Variants in PEPD observed in about 807,000 individuals in gnomAD.
The protein encoded by PEPD is xaa-Pro dipeptidase.
Under a neutral mutation model 60.7 loss-of-function variants are expected in PEPD, and 53 were observed. The observed-to-expected ratio is 0.87, with a 90% confidence interval of 0.70 to 1.10. The LOEUF (loss-of-function observed/expected upper bound fraction) is 1.10. PEPD is among the 50% of genes least tolerant of loss of function. The pLI is 0.00. For missense variants in PEPD, 711 were observed against 711.9 expected (o/e 1.00, Z 0.01); for synonymous variants, 267 against 284.1 (o/e 0.94, Z 0.60).
At chr19:33,428,279 C>T (rs1969194537) in intron 9 of PEPD, among the ~76,000 whole-genome samples, 1 of 152,144 alleles carries the variant, frequency 6.6e-6, no homozygotes, top group African/African-American at 2.4e-5. Flanking sequence ...TTGCTGGGTC[C>T]CCGCAGGGAG....
chr19:33,422,472 A>G (rs1394118085), intron 9 of PEPD, among the ~76,000 whole-genome samples: 1 of 150,594 alleles, frequency 6.6e-6, no homozygotes, highest in Non-Finnish European at 1.5e-5. Context: ...CTATCACTCT[A>G]TCATCTACCT....
chr19:33,443,510 G>C (rs1217446527), intron 9 of PEPD, among the ~76,000 whole-genome samples: 7 of 152,126 alleles, frequency 4.6e-5, no homozygotes, highest in Non-Finnish European at 1.0e-4. Context: ...CATAATTGCT[G>C]TTTATAGGTA....
chr19:33,395,629 C>T (rs200799587), intron 12 of PEPD, among the ~76,000 whole-genome samples: 1 of 152,344 alleles, frequency 6.6e-6, no homozygotes, highest in South Asian at 2.1e-4. Flanking sequence ...GGCCTAGGGC[C>T]CAGGCCAGCT....
intron 3 of PEPD, among the ~76,000 whole-genome samples, chr19:33,507,878 G>C (rs911031260): frequency 2.6e-5 from 4 of 152,158 alleles, no homozygotes; most frequent in Non-Finnish European, 5.9e-5. Context: ...CAGTGGAACG[G>C]AGAGGCCTGC....
Position 33,414,071 on chromosome 19 carries a change from C to G in PEPD, c.672-428G>C, listed in dbSNP as rs1438956250. ...TCCGTGCCCAGAGGCCACCACCCAC[C>G]CTGCCAGGAGGGGCTGGATCTACGG... is the stretch of plus-strand genomic sequence containing the variant. On this transcript the variant is annotated intron_variant, in intron 9 of 14. Coordinates refer to ENST00000244137, the MANE Select transcript of PEPD (RefSeq NM_000285.4). 1.3e-5 allele frequency among the ~76,000 whole-genome samples: 2 copies of G among 152,218 alleles called. 1 individual carries two copies. The highest frequency in any genetic ancestry group is 4.8e-5 in the African/African-American group (2 of 41,462).
In PEPD at chr19:33,454,616, AAAAG is replaced by A. The variant is rs1156673954; in HGVS notation, c.671+8375_671+8378del. ...GACTCTGTCTCCAAAAAAGAAAAAAAAAAGAAAGAAAGTACAATTTCAAGTTTAA... is the reference window on the plus strand; with the variant it reads ...GACTCTGTCTCCAAAAAAGAAAAAAAAAAGAAAGTACAATTTCAAGTTTAA... On this transcript the variant is annotated intron_variant, in intron 9 of 14. Transcript: ENST00000244137. 2.6e-5 allele frequency among the ~76,000 whole-genome samples: 4 copies of A among 152,274 alleles called. No individual in the cohort carries two copies. The East Asian group carries it at 5.8e-4, about 22-fold the overall frequency.
chr19:33,455,138 G>A (rs371904109), intron 9 of PEPD, among the ~76,000 whole-genome samples: 4 of 152,126 alleles, frequency 2.6e-5, no homozygotes, highest in Non-Finnish European at 5.9e-5. Flanking sequence ...AGCTAAGGCC[G>A]CTGGAATAAA....
chr19:33,391,227 C>T (rs1189507898), intron 13 of PEPD, 68 bp downstream of exon 13: 2 of 1,327,324 alleles, frequency 1.5e-6, no homozygotes, highest in African/African-American at 2.9e-5. Context: ...GAGTCCCACC[C>T]TGCCCTGGGG....
At chr19:33,461,526 G>A (rs1396351227) in intron 9 of PEPD, among the ~76,000 whole-genome samples, 1 of 152,156 alleles carries the variant, frequency 6.6e-6, no homozygotes, top group Admixed American at 6.5e-5. Context: ...CAGCCAGCAT[G>A]CAGAGGACGG....
chr19:33,442,110 G>T (rs1238170922), intron 9 of PEPD, among the ~76,000 whole-genome samples: 1 of 152,174 alleles, frequency 6.6e-6, no homozygotes, highest in Non-Finnish European at 1.5e-5. Flanking sequence ...CTTAATAATA[G>T]TCCCTGGGCC....
chr19:33,500,836 C>G (rs1238627249), intron 4 of PEPD, 102 bp downstream of exon 4: 2 of 792,640 alleles, frequency 2.5e-6, no homozygotes, highest in Non-Finnish European at 4.6e-6. Flanking sequence ...TGGTAGTGTC[C>G]CTGACATCCA....
At chr19:33,476,162 G>A (rs1043260873) in intron 7 of PEPD, among the ~76,000 whole-genome samples, 1 of 152,142 alleles carries the variant, frequency 6.6e-6, no homozygotes, top group Non-Finnish European at 1.5e-5. Context: ...CACCAGCTTG[G>A]CTTTGTTACT....
chr19:33,497,564 C>T (rs1379777507), intron 4 of PEPD, among the ~76,000 whole-genome samples: 1 of 152,234 alleles, frequency 6.6e-6, no homozygotes, highest in East Asian at 1.9e-4. Flanking sequence ...TATCACGTGA[C>T]CAGCCATGGC....
At chr19:33,415,947 T>A (rs549660163) in intron 9 of PEPD, among the ~76,000 whole-genome samples, 1 of 152,348 alleles carries the variant, frequency 6.6e-6, no homozygotes, top group African/African-American at 2.4e-5. Flanking sequence ...GGTGCTTTGG[T>A]GGCAATAACA....
chr19:33,456,761 AAAC>A (rs1969809459), intron 9 of PEPD, among the ~76,000 whole-genome samples: 1 of 152,274 alleles, frequency 6.6e-6, no homozygotes, highest in Admixed American at 6.5e-5. Flanking sequence ...GACTTGTTCC[AAAC>A]AGTCCTCAAA....
In PEPD at chr19:33,485,491, T is replaced by TAAAAAAAA. The variant is rs908651690; in HGVS notation, c.503+4497_503+4504dup. Among the ~76,000 whole-genome samples, 252 of 110,922 alleles carry TAAAAAAAA rather than the reference T, an allele frequency of 2.3e-3. 3 individuals are homozygous for TAAAAAAAA. Among genetic ancestry groups the TAAAAAAAA allele is most frequent in the Admixed American group, 5.2e-3 (54 of 10,374 alleles). 72.8% of individuals were successfully genotyped at this position (110,922 alleles called of 152,430 possible). On this transcript the variant is annotated intron_variant, in intron 6 of 14. Transcript: ENST00000244137. ...CTGGGCAACAGAGCAAGACTCTGTC[T>TAAAAAAAA]AAAAAAAAAAAAAAAAAAGAAGCCA...
At chr19:33,395,891 G>C (rs1968348062) in intron 12 of PEPD, among the ~76,000 whole-genome samples, 1 of 152,212 alleles carries the variant, frequency 6.6e-6, no homozygotes, top group Non-Finnish European at 1.5e-5. Context: ...AGCTGGCACG[G>C]GGCTGAGGAC....
At chr19:33,431,187 G>A (rs1287626795) in intron 9 of PEPD, among the ~76,000 whole-genome samples, 1 of 148,716 alleles carries the variant, frequency 6.7e-6, no homozygotes, top group Non-Finnish European at 1.5e-5. Context: ...AGGAAGGGAG[G>A]GAGGGAGGGA....
intron 4 of PEPD, among the ~76,000 whole-genome samples, chr19:33,498,163 T>C (rs575886204): frequency 6.6e-6 from 1 of 152,200 alleles, no homozygotes; most frequent in Non-Finnish European, 1.5e-5. Context: ...GCTGTCAACG[T>C]GAGCCTTGTT....
Sources: gnomAD v4.1 joint callset for allele counts (sites outside exome capture counted in the v4.1 genomes callset) on GRCh38, gnomAD v4.1.1 for gene constraint, MANE v1.5 for transcripts, NCBI Gene and HGNC (gene_info 2026-07-23, HGNC 2026-07-21) for gene names.